Variants in TBC1D9 observed in about 807,000 individuals in gnomAD.
TBC1D9 encodes the protein TBC1 domain family member 9A.
In TBC1D9, 63 loss-of-function variants were observed where a neutral mutation model predicts 132.0. That is an observed-to-expected ratio of 0.48 (90% CI 0.39 to 0.59). The LOEUF (loss-of-function observed/expected upper bound fraction) is 0.59. Among genes scored for constraint, TBC1D9 ranks in the 20% least tolerant of loss-of-function variants. TBC1D9 has a pLI of 0.00. For missense variants in TBC1D9, 1,261 were observed against 1,592.7 expected (o/e 0.79, Z 3.54); for synonymous variants, 610 against 609.9 (o/e 1.00, Z 0.00).
chr4:140,716,445 G>A (rs570231868), intron 1 of TBC1D9, among the ~76,000 whole-genome samples: 7 of 152,072 alleles, frequency 4.6e-5, no homozygotes, highest in South Asian at 4.2e-4. Context: ...AGCCATGATC[G>A]TGCCCCTGTA....
chr4:140,685,628 G>A (rs1300105784), intron 3 of TBC1D9, among the ~76,000 whole-genome samples: 1 of 152,172 alleles, frequency 6.6e-6, no homozygotes, highest in Non-Finnish European at 1.5e-5. Flanking sequence ...AGGGCATTAA[G>A]TCGGCCAGTT....
At chr4:140,660,727 TG>T (rs1737343426) in intron 10 of TBC1D9, among the ~76,000 whole-genome samples, 1 of 152,152 alleles carries the variant, frequency 6.6e-6, no homozygotes, top group South Asian at 2.1e-4. Flanking sequence ...AAAACAAAGA[TG>T]AAAAGGTTAA....
intron 2 of TBC1D9, among the ~76,000 whole-genome samples, chr4:140,689,316 C>A (rs1034174766): frequency 6.6e-5 from 10 of 152,018 alleles, no homozygotes; most frequent in African/African-American, 2.4e-4. Flanking sequence ...CCTTGGTTGT[C>A]GTGGATAGAA....
Position 140,729,875 on chromosome 4 carries a change from G to T in TBC1D9, c.130+26041C>A, listed in dbSNP as rs75606221. Among the ~76,000 whole-genome samples, 1,249 of 142,076 alleles carry T rather than the reference G, an allele frequency of 8.8e-3. 15 individuals carry two copies. Among genetic ancestry groups the T allele is most frequent in the African/African-American group, 0.03 (1,153 of 38,188 alleles). The allele number at this position is 142,076 out of a possible 152,430, so 93.2% of individuals were successfully genotyped here. A position where few individuals can be genotyped will look rare whatever the true frequency, so the allele number is the denominator to read the frequency against. On this transcript the variant is annotated intron_variant, in intron 1 of 20. Coordinates refer to ENST00000442267, the MANE Select transcript of TBC1D9 (RefSeq NM_015130.3). ...CTTGAGTGGTTATTTCATTGAATCT[G>T]AGCAAACAACTATTTTTTGTCTTTT...
intron 1 of TBC1D9, among the ~76,000 whole-genome samples, chr4:140,705,024 C>T (rs967867945): frequency 3.0e-4 from 46 of 152,176 alleles, no homozygotes; most frequent in African/African-American, 8.9e-4. Context: ...ACATTAGATA[C>T]ATTTAAATGA....
chr4:140,651,326 A>G (rs1737184576), intron 13 of TBC1D9, among the ~76,000 whole-genome samples: 1 of 152,240 alleles, frequency 6.6e-6, no homozygotes, highest in Non-Finnish European at 1.5e-5. Context: ...AGCCAGGTGT[A>G]GTGGTGCACA....
intron 9 of TBC1D9, 76 bp from the exon 10 acceptor site, chr4:140,662,183 T>C: frequency 8.7e-7 from 1 of 1,149,276 alleles, no homozygotes; most frequent in Non-Finnish European, 1.3e-6. Context: ...AGCTTATGAT[T>C]GAACTGCTTT....
chr4:140,643,215 G>T, intron 13 of TBC1D9: 1 of 1,372,100 alleles, frequency 7.3e-7, no homozygotes, highest in Non-Finnish European at 1.0e-6. Flanking sequence ...GGCCCGCTCC[G>T]CACCTCCCAC....
chr4:140,698,271 G>A (rs1035218416), intron 2 of TBC1D9, among the ~76,000 whole-genome samples: 6 of 152,112 alleles, frequency 3.9e-5, no homozygotes, highest in African/African-American at 1.4e-4. Context: ...CCAGGTCAGA[G>A]TCCCAGCTTC....
chr4:140,628,461 C>A, intron 16 of TBC1D9, 96 bp from the exon 17 acceptor site: 1 of 1,115,394 alleles, frequency 9.0e-7, no homozygotes, highest in Non-Finnish European at 1.3e-6. Context: ...ATACACATTC[C>A]AACCAAGACA....
chr4:140,622,107 A>C lies in TBC1D9; in HGVS notation c.*88T>G. 6.8e-7 allele frequency: 1 copy of C among 1,470,128 alleles called. No individual in the cohort carries two copies. Among genetic ancestry groups the C allele is most frequent in the Admixed American group, 2.3e-5 (1 of 43,336 alleles). The allele number at this position is 1,470,128 out of a possible 1,614,324, so 91.1% of individuals were successfully genotyped here. On this transcript the variant is annotated 3_prime_UTR_variant, in exon 21 of 21. Coordinates refer to ENST00000442267, the MANE Select transcript of TBC1D9 (RefSeq NM_015130.3). ...CCAGGTACTAATAAATATTTAATTT[A>C]AAAGAAAGAAAGAAAAAACTCAACA...
intron 18 of TBC1D9, among the ~76,000 whole-genome samples, chr4:140,624,685 C>T (rs1736678726): frequency 6.6e-6 from 1 of 152,116 alleles, no homozygotes; most frequent in African/African-American, 2.4e-5. Flanking sequence ...ATAATTTTAT[C>T]TGACAACACT....
At chr4:140,725,918 T>C (rs955783902) in intron 1 of TBC1D9, among the ~76,000 whole-genome samples, 4 of 152,180 alleles carry the variant, frequency 2.6e-5, no homozygotes, top group Non-Finnish European at 5.9e-5. Flanking sequence ...TTTTCCACTG[T>C]ATGCTGTTTA....
At chr4:140,727,338 A>C (rs1268914241) in intron 1 of TBC1D9, among the ~76,000 whole-genome samples, 1 of 152,170 alleles carries the variant, frequency 6.6e-6, no homozygotes, top group East Asian at 1.9e-4. Context: ...TGGCTCCTGC[A>C]TCTACTTTCA....
chr4:140,675,102 T>C (rs907234211), intron 6 of TBC1D9, among the ~76,000 whole-genome samples: 1 of 152,172 alleles, frequency 6.6e-6, no homozygotes, highest in Non-Finnish European at 1.5e-5. Context: ...TAAAGTGTTT[T>C]ACATCTAAAT....
intron 1 of TBC1D9, among the ~76,000 whole-genome samples, chr4:140,708,658 C>T (rs571283585): frequency 1.3e-5 from 2 of 152,220 alleles, no homozygotes; most frequent in South Asian, 4.1e-4. Flanking sequence ...GGGTCAGCTC[C>T]ATAATTATAA....
chr4:140,645,515 C>G (rs1057165570), intron 13 of TBC1D9: 1 of 360,636 alleles, frequency 2.8e-6, no homozygotes, highest in East Asian at 7.5e-5. Context: ...CCACTATCCT[C>G]TCTTGCGAGA....
intron 2 of TBC1D9, among the ~76,000 whole-genome samples, chr4:140,687,951 A>G (rs764813516): frequency 6.6e-6 from 1 of 152,072 alleles, no homozygotes; most frequent in African/African-American, 2.4e-5. Context: ...TTAGTCAGAC[A>G]TGGTGGCATG....
Position 140,637,121 on chromosome 4 carries a change from G to A in TBC1D9, c.2505+1965C>T, listed in dbSNP as rs187478663. The stretch of plus-strand genomic sequence containing the variant: ...AATCCCAGCACTTTGGGAGGCCAAG[G>A]CAGGCAGATCACAAGGTCAGGAGTT... On this transcript the variant is annotated intron_variant, in intron 15 of 20. Coordinates refer to ENST00000442267, the MANE Select transcript of TBC1D9 (RefSeq NM_015130.3). 1.6e-4 allele frequency among the ~76,000 whole-genome samples: 25 copies of A among 152,284 alleles called. No homozygotes were observed. The East Asian group carries it at 4.8e-3, about 29-fold the overall frequency.
Sources: gnomAD v4.1 joint callset for allele counts (sites outside exome capture counted in the v4.1 genomes callset) on GRCh38, gnomAD v4.1.1 for gene constraint, MANE v1.5 for transcripts, NCBI Gene and HGNC (gene_info 2026-07-23, HGNC 2026-07-21) for gene names.